The following EXOSC10 variants were observed in gnomAD, a reference collection of about 807,000 sequenced individuals.
EXOSC10 encodes the protein exosome complex component 10.
In EXOSC10, 94 loss-of-function variants were observed where a neutral mutation model predicts 126.6. The ratio of observed to expected loss-of-function variants is 0.74; its 90% confidence interval spans 0.63 to 0.88. The LOEUF (loss-of-function observed/expected upper bound fraction) is 0.88. Ranked by LOEUF, EXOSC10 falls within the 40% of genes least tolerant of loss-of-function variation. The pLI is 0.00. For synonymous variants in EXOSC10, 395 were observed against 400.8 expected (o/e 0.99, Z 0.17); for missense variants, 1,041 against 1,100.5 (o/e 0.95, Z 0.77).
Position 11,087,608 on chromosome 1 carries a change from G to T in EXOSC10, c.946-17C>A, listed in dbSNP as rs751874096. Reference sequence around the variant, plus strand: ...AGAGTGGTGCTAAACCCCACAGAAGGAGGGGAGAAGAGGAAAAACAAAGAT... The same window carrying T: ...AGAGTGGTGCTAAACCCCACAGAAGTAGGGGAGAAGAGGAAAAACAAAGAT... On this transcript the variant is annotated splice_polypyrimidine_tract_variant and intron_variant, in intron 8 of 24. Coordinates refer to ENST00000376936, the MANE Select transcript of EXOSC10 (RefSeq NM_001001998.3). 1 of 1,611,364 alleles carries T rather than the reference G, an allele frequency of 6.2e-7. No homozygotes were observed. The highest frequency in any genetic ancestry group is 1.1e-5 in the South Asian group (1 of 90,508).
In EXOSC10 at chr1:11,080,910, T is replaced by C. The variant is rs1397608942; in HGVS notation, c.1440A>G (p.Lys480=). The C allele has an allele frequency of 3.1e-6, 5 of 1,604,286 alleles. No individual in the cohort carries two copies. Among genetic ancestry groups the C allele is most frequent in the Non-Finnish European group, 3.4e-6 (4 of 1,176,676 alleles). ...WQRSRDICLK[K]FIKPIFTDES... ...CATCCGTGAAGATAGGTTTGATGAA[T>C]TTCTACAAAGTATTAGAGAACATTC... Residue 480 remains lysine (K), a splice_region_variant and synonymous_variant, in exon 12 of 25, where the codon AAA becomes AAG. Coordinates refer to ENST00000376936, the MANE Select transcript of EXOSC10 (RefSeq NM_001001998.3).
At chr1:11,068,559 C>A in intron 23 of EXOSC10, 86 bp downstream of exon 23, 1 of 1,000,740 alleles carries the variant, frequency 1.0e-6, no homozygotes, top group Non-Finnish European at 1.6e-6. Context: ...GGAATGGACT[C>A]CTGGATGGGC....
chr1:11,082,577 A>G, intron 10 of EXOSC10, 111 bp downstream of exon 10: 8 of 1,528,426 alleles, frequency 5.2e-6, no homozygotes, highest in Non-Finnish European at 7.0e-6. Flanking sequence ...GCCTGATGCC[A>G]TTCATCTCAA....
In EXOSC10 at chr1:11,070,971, C is replaced by T. The variant is rs1160473727; in HGVS notation, c.2245G>A (p.Ala749Thr). 6.2e-7 allele frequency: 1 copy of T among 1,613,862 alleles called. No homozygotes were observed. Among genetic ancestry groups the T allele is most frequent in the Admixed American group, 1.7e-5 (1 of 59,984 alleles). Reference protein sequence around the residue: ...VKKKAAEQTAAREQAKEACKA... With the variant: ...VKKKAAEQTATREQAKEACKA... Reference sequence around the variant, plus strand: ...CACGCCTCCTTTGCCTGTTCCCGGGCAGCTGCAAGGGAGAGAACTTGTCTC... The same window carrying T: ...CACGCCTCCTTTGCCTGTTCCCGGGTAGCTGCAAGGGAGAGAACTTGTCTC... The change falls in exon 21 of 25, where the codon GCC becomes ACC. Residue 749 changes from alanine (A) to threonine (T), a missense_variant and splice_region_variant. Ala to Thr is a moderately conservative substitution (Grantham distance 58). Around this residue, in one of 3 missense-constraint regions of EXOSC10, gnomAD observed 388 missense variants for 415.2 expected, o/e 0.93. Coordinates refer to ENST00000376936, the MANE Select transcript of EXOSC10 (RefSeq NM_001001998.3).
intron 24 of EXOSC10, 77 bp from the exon 25 acceptor site, chr1:11,066,825 A>T (rs1639124150): frequency 6.5e-7 from 1 of 1,532,784 alleles, no homozygotes; most frequent in Non-Finnish European, 9.0e-7. Context: ...AAATGGTGCA[A>T]ATCTTAATCA....
intron 3 of EXOSC10, among the ~76,000 whole-genome samples, chr1:11,094,122 T>G (rs1235978323): frequency 6.6e-6 from 1 of 151,910 alleles, no homozygotes; most frequent in Non-Finnish European, 1.5e-5. Context: ...GAAGACAGAT[T>G]CAGAATAAGG....
chr1:11,071,290 C>T (rs1277684998), intron 20 of EXOSC10: 2 of 348,234 alleles, frequency 5.7e-6, no homozygotes, highest in Non-Finnish European at 1.0e-5. Flanking sequence ...GTGGACAAAC[C>T]TGCTCAAACC....
rs113287856 is a variant in EXOSC10, at chr1:11,087,508, G to A, written c.1029C>T (p.Leu343=). Residue 343 remains leucine, a synonymous_variant, in exon 9 of 25, where the codon CTC becomes CTT. Coordinates refer to ENST00000376936, the MANE Select transcript of EXOSC10 (RefSeq NM_001001998.3). The stretch of plus-strand genomic sequence containing the variant: ...GAATGTACATGTCACTTCGAAGCTC[G>A]AGGGTGTCAATGATGAAGTCTTCCG... ...TRTEDFIIDT[L]ELRSDMYILN... is the part of the protein sequence containing the mutation. 2.2e-3 allele frequency: 3,615 copies of A among 1,614,078 alleles called. 65 individuals carry two copies. The African/African-American group carries it at 0.038, about 17-fold the overall frequency.
chr1:11,088,862 TAAGTG>T (rs1329076644), intron 6 of EXOSC10, among the ~76,000 whole-genome samples: 7 of 152,228 alleles, frequency 4.6e-5, no homozygotes, highest in African/African-American at 1.7e-4. Context: ...TTGTCTATTT[TAAGTG>T]AAGTTTTTCC....
At chr1:11,072,223 AGTCT>A (rs1429496883) in intron 19 of EXOSC10, 52 bp from the exon 20 acceptor site, 5 of 1,389,828 alleles carry the variant, frequency 3.6e-6, no homozygotes, top group East Asian at 2.3e-5. Context: ...CAGCCACCTA[AGTCT>A]GTCTTACTTT....
chr1:11,081,276 C>T (rs747667876), intron 10 of EXOSC10, 38 bp from the exon 11 acceptor site: 1 of 1,605,396 alleles, frequency 6.2e-7, no homozygotes, highest in Non-Finnish European at 8.5e-7. Flanking sequence ...TGATTGCCCC[C>T]AAGGACAGCA....
At position 11,090,619 on chromosome 1, in the gene EXOSC10, C is replaced by G; in HGVS notation, c.693G>C (p.Leu231Phe). ...AATCAGCCAGTGCAGGGGGGACGTC[C>G]AAGTCCTCAGGACGATCCTGTGGGC... ...RERPQDRPED[L>F]DVPPALADFI... The change falls in exon 6 of 25, where the codon TTG becomes TTC. Residue 231 changes from leucine (L) to phenylalanine (F), a missense_variant. By Grantham distance (22) the Leu-to-Phe change is conservative. Coordinates refer to ENST00000376936, the MANE Select transcript of EXOSC10 (RefSeq NM_001001998.3). The G allele has an allele frequency of 6.2e-7, 1 of 1,614,042 alleles. No individual in the cohort carries two copies. Among genetic ancestry groups the G allele is most frequent in the East Asian group, 2.2e-5 (1 of 44,890 alleles).
At chr1:11,086,543 T>C (rs536112915) in intron 9 of EXOSC10, among the ~76,000 whole-genome samples, 87 of 152,270 alleles carry the variant, frequency 5.7e-4, no homozygotes, top group Admixed American at 1.9e-3. Context: ...GGTCTATCAA[T>C]TCCAAAATTG....
chr1:11,068,102 C>CGT lies in EXOSC10; in HGVS notation c.2551-20_2551-19dup. 6.2e-7 allele frequency: 1 copy of CGT among 1,611,442 alleles called. No individual in the cohort carries two copies. Among genetic ancestry groups the CGT allele is most frequent in the African/African-American group, 1.3e-5 (1 of 74,970 alleles). The stretch of plus-strand genomic sequence containing the variant: ...ATGCATTTCTGAAAAGAAAAGAAAC[C>CGT]GTTTAAGCTGGGTGGGCACCTTGAC... On this transcript the variant is annotated intron_variant, in intron 23 of 24. Transcript: ENST00000376936.
chr1:11,072,478 G>A (rs1044352706), intron 19 of EXOSC10: 11 of 270,684 alleles, frequency 4.1e-5, no homozygotes, highest in Middle Eastern at 1.3e-3. Context: ...AACAGACTCC[G>A]GGAGAGTAAA....
intron 18 of EXOSC10, 75 bp from the exon 19 acceptor site, chr1:11,074,083 G>T: frequency 6.8e-6 from 10 of 1,469,208 alleles, no homozygotes; most frequent in South Asian, 4.5e-5. Flanking sequence ...GCGCTCAGAT[G>T]GGGGGTTGCT....
In EXOSC10 at chr1:11,081,697, G is replaced by GT. The variant is rs1640175661; in HGVS notation, c.1281-460dup. On this transcript the variant is annotated intron_variant, in intron 10 of 24. Coordinates refer to ENST00000376936, the MANE Select transcript of EXOSC10 (RefSeq NM_001001998.3). ...GAGCTTGGCACAGGGTAAGGGCTCC[G>GT]TAACAGGGAGTGGTTTTTAGATTTT... is the stretch of plus-strand genomic sequence containing the variant. Among the ~76,000 whole-genome samples the GT allele has an allele frequency of 3.3e-5, 5 of 152,302 alleles. No homozygotes were observed. In the South Asian group the frequency reaches 1.0e-3, roughly 32 times the overall value.
chr1:11,094,836 G>A (rs1640986366), intron 3 of EXOSC10, among the ~76,000 whole-genome samples: 1 of 151,862 alleles, frequency 6.6e-6, no homozygotes, highest in African/African-American at 2.4e-5. Flanking sequence ...CCTGACCTCA[G>A]GTGATCACCC....
chr1:11,073,803 G>T, intron 19 of EXOSC10, 131 bp downstream of exon 19: 1 of 673,732 alleles, frequency 1.5e-6, no homozygotes, highest in Non-Finnish European at 2.5e-6. Context: ...GCTTGAACCT[G>T]GGAGGTGGAG....
Sources: gnomAD v4.1 joint callset for allele counts (sites outside exome capture counted in the v4.1 genomes callset) on GRCh38, gnomAD v4.1.1 for gene constraint, gnomAD v4.1.1 regional missense constraint, MANE v1.5 for transcripts, NCBI Gene and HGNC (gene_info 2026-07-23, HGNC 2026-07-21) for gene names.